SGIP1: variants seen among roughly 807,000 people sequenced by gnomAD.
The protein encoded by SGIP1 is SH3-containing GRB2-like protein 3-interacting protein 1.
Under a neutral mutation model 107.5 loss-of-function variants are expected in SGIP1, and 38 were observed. The ratio of observed to expected loss-of-function variants is 0.35; its 90% CI spans 0.27 to 0.46. The LOEUF (loss-of-function observed/expected upper bound fraction) is 0.46. SGIP1 is among the 20% of genes least tolerant of loss of function. The pLI, the probability that SGIP1 is intolerant of heterozygous loss-of-function variation, is 1.00. For synonymous variants in SGIP1, 365 were observed against 366.1 expected (o/e 1.00, Z 0.03); for missense variants, 929 against 1,019.5 (o/e 0.91, Z 1.21).
Position 66,681,964 on chromosome 1 carries a change from G to C in SGIP1, c.910G>C (p.Val304Leu). The change falls in exon 15 of 25, where the codon GTT becomes CTT. Residue 304 changes from valine to leucine, a missense_variant. Physicochemically the swap from Val to Leu is conservative, Grantham distance 32. This residue lies in a region of SGIP1 where 588 missense variants were observed against 588.6 expected (regional missense o/e 1.00). Coordinates refer to ENST00000371037, the MANE Select transcript of SGIP1 (RefSeq NM_032291.4). The stretch of plus-strand genomic sequence containing the variant: ...TGGGCCAGTATTGTCCCCCAAGTCT[G>C]TTGCTGTTAATGCTGAAGAAAAGTG... ...IFGPVLSPKSVAVNAEEKWVH... is the reference protein window; with the variant it reads ...IFGPVLSPKSLAVNAEEKWVH... 1 of 1,614,200 alleles carries C rather than the reference G, an allele frequency of 6.2e-7. No individual in the cohort carries two copies. The highest frequency in any genetic ancestry group is 8.5e-7 in the Non-Finnish European group (1 of 1,180,032).
In SGIP1 at chr1:66,672,005, A is replaced by G. The variant is rs2083933088; in HGVS notation, c.560+10A>G. ...CTCCAGAACTTATAAGGTGAGTGTGAAAGACATTAGTTGTGTTTTATGCAA... is the reference window on the plus strand; with the variant it reads ...CTCCAGAACTTATAAGGTGAGTGTGGAAGACATTAGTTGTGTTTTATGCAA... On this transcript the variant is annotated intron_variant, in intron 11 of 24. Coordinates refer to ENST00000371037, the MANE Select transcript of SGIP1 (RefSeq NM_032291.4). 1.2e-6 allele frequency: 2 copies of G among 1,613,556 alleles called. No individual in the cohort carries two copies. Among genetic ancestry groups the G allele is most frequent in the Non-Finnish European group, 1.7e-6 (2 of 1,179,652 alleles).
chr1:66,722,763 T>C (rs1436393997), intron 19 of SGIP1, among the ~76,000 whole-genome samples: 1 of 152,166 alleles, frequency 6.6e-6, no homozygotes, highest in East Asian at 1.9e-4. Flanking sequence ...CCTGTCACAA[T>C]ATAAGCCAGG....
At chr1:66,647,713 G>A (rs1465789725) in intron 7 of SGIP1, among the ~76,000 whole-genome samples, 1 of 152,144 alleles carries the variant, frequency 6.6e-6, no homozygotes, top group Admixed American at 6.5e-5. Flanking sequence ...GTGATACCGT[G>A]CTGCTTGTTA....
chr1:66,541,687 AG>A (rs1459174771), intron 1 of SGIP1, among the ~76,000 whole-genome samples: 1 of 152,202 alleles, frequency 6.6e-6, no homozygotes, highest in Non-Finnish European at 1.5e-5. Context: ...GATTTTTGAA[AG>A]CTTGTGTGGA....
chr1:66,621,865 T>G (rs148603292), intron 1 of SGIP1, among the ~76,000 whole-genome samples: 1 of 152,358 alleles, frequency 6.6e-6, no homozygotes, highest in East Asian at 1.9e-4. Flanking sequence ...GAGAGCCATT[T>G]CATTGTAAAA....
rs748863137 is a variant in SGIP1 at position 66,625,956 on chromosome 1, A to C, written c.74+46A>C. 3.3e-6 allele frequency: 5 copies of C among 1,497,944 alleles called. No homozygotes were observed. The South Asian group carries it at 5.9e-5, about 18-fold the overall frequency. 92.8% of individuals were successfully genotyped at this position (1,497,944 alleles called of 1,614,324 possible). On this transcript the variant is annotated intron_variant, in intron 2 of 24. Transcript: ENST00000371037. ...CCTCCTCGAAGAAGCTATTTGCATA[A>C]GAGATGCTCTTATCACAGTCAATAT...
At chr1:66,689,744 A>G (rs886691912) in intron 16 of SGIP1, among the ~76,000 whole-genome samples, 7 of 152,352 alleles carry the variant, frequency 4.6e-5, no homozygotes, top group African/African-American at 1.7e-4. Flanking sequence ...GGAGTGGAAA[A>G]CATTCTGTGT....
rs907436561 is a variant in SGIP1 at position 66,748,432 on chromosome 1, C to A, written c.*5337C>A. On this transcript the variant is annotated 3_prime_UTR_variant, in exon 25 of 25. Coordinates refer to ENST00000371037, the MANE Select transcript of SGIP1 (RefSeq NM_032291.4). Reference sequence around the variant, plus strand: ...TCAAATGTAAAGTCTGTTGAGTTGACCATGGTGAACCTCTTGATTGGCCCT... The same window carrying A: ...TCAAATGTAAAGTCTGTTGAGTTGAACATGGTGAACCTCTTGATTGGCCCT... The A allele has an allele frequency of 6.6e-6, 1 of 151,850 alleles. No homozygotes were observed. Among genetic ancestry groups the A allele is most frequent in the South Asian group, 2.1e-4 (1 of 4,830 alleles). 9.4% of individuals were successfully genotyped at this position (151,850 alleles called of 1,614,324 possible). A position where few individuals can be genotyped will look rare whatever the true frequency, so the allele number is the denominator to read the frequency against.
At chr1:66,594,577 T>C (rs369592871) in intron 1 of SGIP1, among the ~76,000 whole-genome samples, 2 of 152,170 alleles carry the variant, frequency 1.3e-5, no homozygotes, top group African/African-American at 4.8e-5. Flanking sequence ...TGCTCAGTGA[T>C]GAGCAGGCTC....
intron 1 of SGIP1, among the ~76,000 whole-genome samples, chr1:66,551,459 T>G (rs192005651): frequency 6.6e-6 from 1 of 152,320 alleles, no homozygotes; most frequent in East Asian, 1.9e-4. Flanking sequence ...ATATGAAAAA[T>G]ATAGTCATTC....
At chr1:66,572,343 A>AAG (rs1319160706) in intron 1 of SGIP1, among the ~76,000 whole-genome samples, 1 of 152,108 alleles carries the variant, frequency 6.6e-6, no homozygotes. Context: ...CTCTGTCATT[A>AAG]AGATTTAATG....
At chr1:66,710,123 A>T (rs1482434075) in intron 18 of SGIP1, among the ~76,000 whole-genome samples, 1 of 152,060 alleles carries the variant, frequency 6.6e-6, no homozygotes, top group Non-Finnish European at 1.5e-5. Context: ...ACCTATTCTA[A>T]ACATTTTTGA....
chr1:66,547,188 A>T (rs1257924580), intron 1 of SGIP1, among the ~76,000 whole-genome samples: 1 of 152,122 alleles, frequency 6.6e-6, no homozygotes, highest in African/African-American at 2.4e-5. Flanking sequence ...CCCTTTCCAC[A>T]TATCCTCAAA....
intron 5 of SGIP1, among the ~76,000 whole-genome samples, chr1:66,641,342 G>A (rs191978950): frequency 2.6e-5 from 4 of 152,004 alleles, no homozygotes; most frequent in Non-Finnish European, 4.4e-5. Context: ...TTTTTTAATG[G>A]GGGCTTTTTC....
intron 7 of SGIP1, among the ~76,000 whole-genome samples, chr1:66,646,861 C>T (rs577440961): frequency 1.3e-4 from 20 of 152,178 alleles, no homozygotes; most frequent in African/African-American, 4.3e-4. Flanking sequence ...ATAATGTTGG[C>T]CAGGACAAGG....
chr1:66,694,623 C>T (rs927067497), intron 17 of SGIP1: 3 of 662,452 alleles, frequency 4.5e-6, no homozygotes, highest in Admixed American at 3.8e-5. Flanking sequence ...CAGTGCCTCT[C>T]AGATGCACCC....
chr1:66,584,418 CAG>C (rs995808545), intron 1 of SGIP1, among the ~76,000 whole-genome samples: 1 of 152,130 alleles, frequency 6.6e-6, no homozygotes, highest in Non-Finnish European at 1.5e-5. Context: ...CATTGCCTAA[CAG>C]TGCAAATATC....
In SGIP1 at chr1:66,671,935, G is replaced by A; in HGVS notation, c.509-9G>A. The A allele has an allele frequency of 6.2e-7, 1 of 1,613,888 alleles. No individual in the cohort carries two copies. The highest frequency in any genetic ancestry group is 1.3e-5 in the African/African-American group (1 of 75,042). The stretch of plus-strand genomic sequence containing the variant: ...TTTGTCTAAAAAGTTCCTTTGTCCT[G>A]TGCATCAGGTGAAGAAGTGGCAAGA... On this transcript the variant is annotated splice_polypyrimidine_tract_variant and intron_variant, in intron 10 of 24. Coordinates refer to ENST00000371037, the MANE Select transcript of SGIP1 (RefSeq NM_032291.4).
At chr1:66,636,132 C>T (rs2075736955) in intron 4 of SGIP1, 117 bp downstream of exon 4, 2 of 932,562 alleles carry the variant, frequency 2.1e-6, no homozygotes. Flanking sequence ...TAAGAAAACT[C>T]TTAGGTATTT....
Sources: allele counts gnomAD v4.1 joint callset (sites outside exome capture counted in the v4.1 genomes callset), GRCh38; gene constraint gnomAD v4.1.1; regional missense constraint gnomAD v4.1.1; transcripts MANE v1.5; gene names NCBI Gene and HGNC (gene_info 2026-07-23, HGNC 2026-07-21).